Variants in LUC7L2 observed in about 807,000 individuals in gnomAD.
LUC7L2 encodes the protein putative RNA-binding protein Luc7-like 2.
LUC7L2 carries 25 observed loss-of-function variants against 52.8 expected under a neutral mutation model. That is an observed-to-expected ratio of 0.47 (90% CI 0.34 to 0.66). LUC7L2 has a LOEUF of 0.66. LUC7L2 is among the 30% of genes least tolerant of loss of function. LUC7L2 has a pLI of 0.01. For synonymous variants in LUC7L2, 144 were observed against 160.9 expected (o/e 0.89, Z 0.80); for missense variants, 328 against 497.8 (o/e 0.66, Z 3.25).
chr7:139,378,832 A>G (rs1800845294), intron 2 of LUC7L2, among the ~76,000 whole-genome samples: 1 of 152,198 alleles, frequency 6.6e-6, no homozygotes, highest in South Asian at 2.1e-4. Flanking sequence ...GAGTCTCACA[A>G]CGTCCTTTAC....
chr7:139,387,435 C>A (rs1313891709), intron 2 of LUC7L2, among the ~76,000 whole-genome samples: 2 of 152,210 alleles, frequency 1.3e-5, no homozygotes, highest in African/African-American at 4.8e-5. Context: ...TCACCTTGGC[C>A]TTCCAAAGTG....
intron 1 of LUC7L2, among the ~76,000 whole-genome samples, chr7:139,354,097 T>G (rs961330073): frequency 2.7e-5 from 4 of 147,246 alleles, no homozygotes; most frequent in African/African-American, 1.1e-4. Flanking sequence ...GCCTGGGCAA[T>G]AGAGACTCGG....
chr7:139,353,067 A>G (rs6958071), intron 1 of LUC7L2, among the ~76,000 whole-genome samples: 32,395 of 151,864 alleles, frequency 0.21, 7,302 homozygotes, highest in African/African-American at 0.58. Flanking sequence ...GCTTGGTGCC[A>G]GGTACCTGTA....
intron 1 of LUC7L2, among the ~76,000 whole-genome samples, chr7:139,353,643 A>G (rs1174027921): frequency 6.6e-6 from 1 of 152,170 alleles, no homozygotes; most frequent in East Asian, 1.9e-4. Context: ...AAATACAAAA[A>G]TTAGCCGGGC....
chr7:139,408,956 T>TG (rs1009714858), intron 6 of LUC7L2, among the ~76,000 whole-genome samples: 1 of 151,642 alleles, frequency 6.6e-6, no homozygotes, highest in African/African-American at 2.4e-5. Flanking sequence ...GAGACCAGCC[T>TG]GGGCAACATG....
intron 1 of LUC7L2, among the ~76,000 whole-genome samples, chr7:139,349,604 T>A (rs1799382897): frequency 8.1e-6 from 1 of 123,560 alleles, no homozygotes; most frequent in South Asian, 2.5e-4. Context: ...CCTCCTTTAA[T>A]GTCAACTGCT....
rs1460305452 is a variant in LUC7L2, at chr7:139,343,935, A to C, written c.-26+3418A>C. Among the ~76,000 whole-genome samples the C allele has an allele frequency of 5.9e-5, 9 of 151,658 alleles. No homozygotes were observed. The South Asian group carries it at 1.7e-3, about 28-fold the overall frequency. On this transcript the variant is annotated intron_variant, in intron 1 of 10. Coordinates refer to the LUC7L2 transcript ENST00000541170. ...AGTGAGACCCTGTCCCCAAAAAAAA[A>C]AAAAAAAAAAAGAGTTGGTGGGGGG... is the stretch of plus-strand genomic sequence containing the variant.
At chr7:139,413,480 T>C (rs1001561915) in intron 8 of LUC7L2, among the ~76,000 whole-genome samples, 1 of 152,194 alleles carries the variant, frequency 6.6e-6, no homozygotes, top group Non-Finnish European at 1.5e-5. Context: ...TTTGTTGTTA[T>C]GAAAGAAAAA....
chr7:139,409,218 G>T (rs1296075847), intron 6 of LUC7L2, among the ~76,000 whole-genome samples: 5 of 151,522 alleles, frequency 3.3e-5, no homozygotes, highest in African/African-American at 1.2e-4. Context: ...GAGGTGGGAG[G>T]ATCACTGGAG....
chr7:139,348,272 A>C (rs1799334893), intron 1 of LUC7L2, among the ~76,000 whole-genome samples: 1 of 151,484 alleles, frequency 6.6e-6, no homozygotes, highest in Admixed American at 6.6e-5. Flanking sequence ...TCGTGGGCTC[A>C]AGTGATCCTC....
At chr7:139,358,982 G>A (rs558871384), upstream of LUC7L2, 7 of 152,452 alleles carry the variant, frequency 4.6e-5, no homozygotes, top group African/African-American at 7.2e-5. Flanking sequence ...CGCCCGGCAA[G>A]GAATTAATAT....
At chr7:139,407,677 TATA>T (rs140787398) in intron 6 of LUC7L2, among the ~76,000 whole-genome samples, 2,617 of 152,186 alleles carry the variant, frequency 0.017, 77 homozygotes, top group African/African-American at 0.059. Flanking sequence ...AATGTAATAA[TATA>T]ATATTTATAA....
Position 139,402,147 on chromosome 7 carries a change from A to T in LUC7L2, c.266A>T (p.His89Leu). Residue 89 changes from histidine to leucine, a missense_variant, in exon 4 of 10, where the codon CAT becomes CTT. By Grantham distance (99) the His-to-Leu change is moderately conservative (BLOSUM62 -3). This residue lies in a region of LUC7L2 where 133 missense variants were observed against 274.4 expected (regional missense o/e 0.48). Transcript: ENST00000354926. ...AATTAAACTTTGTAGGCCATGGATCATCTGCAGTCATTCATTGCAGATTGT... is the reference window on the plus strand; with the variant it reads ...AATTAAACTTTGTAGGCCATGGATCTTCTGCAGTCATTCATTGCAGATTGT... The part of the protein sequence containing the change: ...DFFFELDAMD[H>L]LQSFIADCDR... 6.3e-7 allele frequency: 1 copy of T among 1,598,916 alleles called. No individual in the cohort carries two copies. The highest frequency in any genetic ancestry group is 1.8e-5 in the Admixed American group (1 of 55,620).
intron 2 of LUC7L2, among the ~76,000 whole-genome samples, chr7:139,398,234 A>G (rs540721443): frequency 5.3e-5 from 8 of 152,306 alleles, no homozygotes; most frequent in African/African-American, 1.2e-4. Context: ...CATCTCAACA[A>G]TTTGATGTAT....
At chr7:139,366,833 C>G (rs1238699943) in intron 1 of LUC7L2, among the ~76,000 whole-genome samples, 1 of 152,130 alleles carries the variant, frequency 6.6e-6, no homozygotes, top group Non-Finnish European at 1.5e-5. Context: ...CCTACTGAGT[C>G]AGAAATTCTG....
At chr7:139,372,217 C>T (rs181525697) in intron 1 of LUC7L2, among the ~76,000 whole-genome samples, 8 of 151,066 alleles carry the variant, frequency 5.3e-5, no homozygotes, top group African/African-American at 1.2e-4. Context: ...GAAGTAACTT[C>T]GCCTGATCTC....
chr7:139,391,928 A>C (rs962024450), intron 2 of LUC7L2, among the ~76,000 whole-genome samples: 2 of 152,078 alleles, frequency 1.3e-5, no homozygotes, highest in African/African-American at 4.8e-5. Flanking sequence ...AATCATGCTC[A>C]TTGCTTATAA....
Position 139,344,695 on chromosome 7 carries a change from C to CT in LUC7L2, c.-26+4200dup, listed in dbSNP as rs1026301999. 4.7e-3 allele frequency among the ~76,000 whole-genome samples: 542 copies of CT among 116,284 alleles called. 5 individuals carry two copies. The highest frequency in any genetic ancestry group is 6.6e-3 in the Non-Finnish European group (374 of 56,892). 76.3% of individuals were successfully genotyped at this position (116,284 alleles called of 152,430 possible). A position where few individuals can be genotyped will look rare whatever the true frequency, so the allele number is the denominator to read the frequency against. On this transcript the variant is annotated intron_variant, in intron 1 of 10. Transcript: ENST00000541170. ...CAGACAAAAGTTTTCAATTTTCTTT[C>CT]TTTTTTTTTTTTTTTTTTTTTTGTT...
At chr7:139,374,708 A>G (rs1395871120) in intron 1 of LUC7L2, 2 of 1,323,380 alleles carry the variant, frequency 1.5e-6, no homozygotes, top group Non-Finnish European at 1.9e-6. Flanking sequence ...AAAATTTTAT[A>G]TACCCTGGTT....
Sources: allele counts gnomAD v4.1 joint callset (sites outside exome capture counted in the v4.1 genomes callset), GRCh38; gene constraint gnomAD v4.1.1; regional missense constraint gnomAD v4.1.1; transcripts MANE v1.5; gene names NCBI Gene and HGNC (gene_info 2026-07-23, HGNC 2026-07-21).